Variants in LZTFL1 observed in about 807,000 individuals in gnomAD.
LZTFL1 encodes leucine zipper transcription factor-like protein 1.
LZTFL1 carries 25 observed loss-of-function variants against 45.9 expected under a neutral mutation model. That is an observed-to-expected ratio of 0.54 (90% CI 0.40 to 0.76). The LOEUF (loss-of-function observed/expected upper bound fraction) is 0.76. Among genes scored for constraint, LZTFL1 ranks in the 30% least tolerant of loss-of-function variants. LZTFL1 has a pLI of 0.00. For synonymous variants in LZTFL1, 93 were observed against 117.4 expected (o/e 0.79, Z 1.35); for missense variants, 277 against 331.1 (o/e 0.84, Z 1.27).
rs369612767 is a variant in LZTFL1 at position 45,901,630 on chromosome 3, C to T, written c.-215+11490G>A. On this transcript the variant is annotated intron_variant, in intron 2 of 4. Coordinates refer to the LZTFL1 transcript ENST00000472635. The surrounding 1 kb of genome is among the most constrained non-coding windows in gnomAD (Gnocchi z 4.3). ...ATTTTGTTGGTGCAGACCATTGACG[C>T]CTATGCCATGTTCATCTCCAACTGT... The T allele has an allele frequency of 1.2e-6, 2 of 1,614,238 alleles. No individual in the cohort carries two copies. Among genetic ancestry groups the T allele is most frequent in the Non-Finnish European group, 1.7e-6 (2 of 1,180,026 alleles).
chr3:45,870,317 C>A (rs1053012292), intron 2 of LZTFL1, among the ~76,000 whole-genome samples: 20 of 152,190 alleles, frequency 1.3e-4, no homozygotes, highest in Non-Finnish European at 2.4e-4. Flanking sequence ...TATGAGTTGA[C>A]AATCAGATGG....
upstream of LZTFL1, among the ~76,000 whole-genome samples, chr3:45,844,901 T>C (rs953475862): frequency 6.6e-6 from 1 of 152,176 alleles, no homozygotes; most frequent in Non-Finnish European, 1.5e-5. Context: ...CACCATAAAA[T>C]ACAACTCCCT....
At chr3:45,890,736 C>T (rs573688168) in intron 2 of LZTFL1, among the ~76,000 whole-genome samples, 5 of 152,212 alleles carry the variant, frequency 3.3e-5, no homozygotes, top group African/African-American at 1.2e-4. Flanking sequence ...GAAAATGCAT[C>T]TTTCATTCAC....
chr3:45,891,025 A>T (rs1434204139), intron 2 of LZTFL1, among the ~76,000 whole-genome samples: 1 of 152,252 alleles, frequency 6.6e-6, no homozygotes, highest in Admixed American at 6.5e-5. Context: ...TAGGAAGATT[A>T]CGGGTGATTT....
intron 2 of LZTFL1, among the ~76,000 whole-genome samples, chr3:45,903,662 A>G (rs913444082): frequency 1.3e-5 from 2 of 152,220 alleles, no homozygotes; most frequent in Admixed American, 6.5e-5. Context: ...GTGAGCAGAC[A>G]TGGGCAGCAG....
chr3:45,825,221 C>G lies in LZTFL1; in HGVS notation c.*1093G>C, dbSNP rs953411615. On this transcript the variant is annotated 3_prime_UTR_variant, in exon 10 of 10. Transcript: ENST00000296135. ...GGTGTGATACTCTCACTTTTAGAAG[C>G]AGGAAAAATTACTAAATATTAATAT... The G allele has an allele frequency of 4.2e-6, 1 of 239,912 alleles. No individual in the cohort carries two copies. The highest frequency in any genetic ancestry group is 7.7e-5 in the East Asian group (1 of 13,002). 14.9% of individuals were successfully genotyped at this position (239,912 alleles called of 1,614,324 possible). A position where few individuals can be genotyped will look rare whatever the true frequency, so the allele number is the denominator to read the frequency against.
intron 2 of LZTFL1, among the ~76,000 whole-genome samples, chr3:45,912,184 A>G (rs1702806844): frequency 1.3e-5 from 2 of 152,230 alleles, no homozygotes; most frequent in African/African-American, 4.8e-5. Flanking sequence ...CATTGTGGCC[A>G]TGAAGATTGT....
chr3:45,907,658 A>G (rs934287862), intron 2 of LZTFL1, among the ~76,000 whole-genome samples: 1 of 152,216 alleles, frequency 6.6e-6, no homozygotes, highest in African/African-American at 2.4e-5. Context: ...GACGTGGCAA[A>G]GTCCCAGAGT....
intron 4 of LZTFL1, among the ~76,000 whole-genome samples, chr3:45,850,725 T>C (rs887289128): frequency 6.6e-6 from 1 of 151,972 alleles, no homozygotes; most frequent in Non-Finnish European, 1.5e-5. Flanking sequence ...CTCCACCCTC[T>C]CCCTCCCAAC....
rs968376065 is a variant in LZTFL1 at position 45,876,224 on chromosome 3, G to A, written c.-214-17208C>T. Among the ~76,000 whole-genome samples the A allele has an allele frequency of 2.6e-5, 4 of 152,192 alleles. No individual in the cohort carries two copies. The East Asian group carries it at 5.8e-4, about 22-fold the overall frequency. On this transcript the variant is annotated intron_variant, in intron 2 of 4. Coordinates refer to the LZTFL1 transcript ENST00000472635. ...TAGGACAGCTCAAAGGCTTTGGGAT[G>A]TTTAAGAAGGAGGGTTGTTTGAAGG...
chr3:45,853,012 G>C (rs1041669185), intron 4 of LZTFL1, among the ~76,000 whole-genome samples: 2 of 152,188 alleles, frequency 1.3e-5, no homozygotes, highest in Admixed American at 6.5e-5. Flanking sequence ...TTTGGTTGCA[G>C]CCCACTATTT....
upstream of LZTFL1, among the ~76,000 whole-genome samples, chr3:45,843,889 G>A (rs996828083): frequency 1.6e-4 from 24 of 152,164 alleles, no homozygotes; most frequent in Non-Finnish European, 2.5e-4. Flanking sequence ...AATTCGAGCC[G>A]TGAGGGAGAA....
chr3:45,839,471 G>A (rs1701050153), intron 1 of LZTFL1, among the ~76,000 whole-genome samples: 1 of 152,118 alleles, frequency 6.6e-6, no homozygotes, highest in Non-Finnish European at 1.5e-5. Context: ...CTCTTACCCT[G>A]TTTCCCAGGA....
chr3:45,897,582 G>A, intron 2 of LZTFL1: 2 of 1,535,806 alleles, frequency 1.3e-6, no homozygotes, highest in Middle Eastern at 1.7e-4. Context: ...CCCCGCTCCA[G>A]ATCACCTTCC....
At chr3:45,898,520 G>T (rs967119668) in intron 2 of LZTFL1, among the ~76,000 whole-genome samples, 2 of 152,200 alleles carry the variant, frequency 1.3e-5, no homozygotes, top group African/African-American at 4.8e-5. Flanking sequence ...CAGCTGCCCT[G>T]GCCTGAAGAG....
In LZTFL1 at chr3:45,908,304, C is replaced by T. The variant is rs555003036; in HGVS notation, c.-215+4816G>A. ...AGAAGGCTGCCCACCCTGAGACCAC[C>T]GTGCTGGAGAGGCCACAAGTAGGCC... On this transcript the variant is annotated intron_variant, in intron 2 of 4. Coordinates refer to the LZTFL1 transcript ENST00000472635. Among the ~76,000 whole-genome samples the T allele has an allele frequency of 7.2e-5, 11 of 152,332 alleles. No homozygotes were observed. The East Asian group carries it at 9.6e-4, about 13-fold the overall frequency.
At chr3:45,891,357 A>G (rs1702173897) in intron 2 of LZTFL1, among the ~76,000 whole-genome samples, 1 of 152,206 alleles carries the variant, frequency 6.6e-6, no homozygotes, top group African/African-American at 2.4e-5. Context: ...AAAGTGAAAA[A>G]TTGTGTAAAG....
In LZTFL1 at chr3:45,842,019, G is replaced by C. The variant is rs1381165638; in HGVS notation, c.-28C>G. ...CGGCAGGCAGCGGCGGCAGCCTAAA[G>C]GAACGGGAGAGGCCAGGCGGTGCCC... On this transcript the variant is annotated 5_prime_UTR_variant, in exon 1 of 10. Transcript: ENST00000296135. The C allele has an allele frequency of 1.2e-6, 2 of 1,607,996 alleles. No homozygotes were observed. Among genetic ancestry groups the C allele is most frequent in the Non-Finnish European group, 8.5e-7 (1 of 1,178,476 alleles).
chr3:45,901,245 A>T lies in LZTFL1; in HGVS notation c.-215+11875T>A, dbSNP rs771928543. On this transcript the variant is annotated intron_variant, in intron 2 of 4. Coordinates refer to the LZTFL1 transcript ENST00000472635. This position sits in a 1 kb window ranked among gnomAD's most constrained non-coding sequence, Gnocchi z 4.3. ...GTACATTGCCATTGCCCAGGCCATGAGAGCACATACTTGGAGGGAGAAAAG... is the reference window on the plus strand; with the variant it reads ...GTACATTGCCATTGCCCAGGCCATGTGAGCACATACTTGGAGGGAGAAAAG... The T allele has an allele frequency of 1.9e-6, 3 of 1,614,238 alleles. No individual in the cohort carries two copies. In the Admixed American group the frequency reaches 5.0e-5, roughly 27 times the overall value.
Sources: gnomAD v4.1 joint callset for allele counts (sites outside exome capture counted in the v4.1 genomes callset) on GRCh38, gnomAD v4.1.1 for gene constraint, Gnocchi (gnomAD v3.1) non-coding constraint, MANE v1.5 for transcripts, NCBI Gene and HGNC (gene_info 2026-07-23, HGNC 2026-07-21) for gene names.